PGLYRP3: variants seen among roughly 807,000 people sequenced by gnomAD.
The protein encoded by PGLYRP3 is peptidoglycan recognition protein 3, also known as peptidoglycan recognition protein I alpha.
A neutral mutation model predicts 36.0 loss-of-function variants in PGLYRP3; 39 were observed. The observed-to-expected ratio is 1.08, with a 90% confidence interval of 0.84 to 1.41. The LOEUF (loss-of-function observed/expected upper bound fraction) is 1.41. PGLYRP3 is among the 40% of genes most tolerant of loss of function. The pLI is 0.00. For synonymous variants in PGLYRP3, 204 were observed against 172.8 expected, an observed-to-expected ratio of 1.18 and a Z score of -1.42; for missense variants, 407 against 427.9, an observed-to-expected ratio of 0.95 and a Z score of 0.43.
Position 153,299,404 on chromosome 1 carries a change from C to T in PGLYRP3, c.729-173G>A, listed in dbSNP as rs373300337. Among the ~76,000 whole-genome samples the T allele has an allele frequency of 2.2e-4, 34 of 152,134 alleles. 3 individuals carry two copies. The highest frequency in any genetic ancestry group is 1.7e-3 in the Admixed American group (26 of 15,284). On this transcript the variant is annotated intron_variant, in intron 6 of 7. Coordinates refer to ENST00000683862, the MANE Select transcript of PGLYRP3 (RefSeq NM_052891.3). Reference sequence around the variant, plus strand: ...GAAAACAAAACAAAACAAAAAAATACCACAGTCCACTTCAACCTGGCCTTT... The same window carrying T: ...GAAAACAAAACAAAACAAAAAAATATCACAGTCCACTTCAACCTGGCCTTT...
chr1:153,303,454 G>A (rs903268075), intron 5 of PGLYRP3, among the ~76,000 whole-genome samples: 10 of 152,108 alleles, frequency 6.6e-5, no homozygotes, highest in African/African-American at 1.4e-4. Flanking sequence ...CTTTTATGCC[G>A]TCTAACATCA....
chr1:153,301,276 G>A (rs77460259), intron 6 of PGLYRP3, among the ~76,000 whole-genome samples: 98 of 152,212 alleles, frequency 6.4e-4, no homozygotes, highest in African/African-American at 2.0e-3. Context: ...GATATATCTC[G>A]TCTAGCACCA....
chr1:153,299,662 C>T (rs941776195), intron 6 of PGLYRP3, among the ~76,000 whole-genome samples: 2 of 152,204 alleles, frequency 1.3e-5, no homozygotes, highest in African/African-American at 4.8e-5. Flanking sequence ...TGGTGCTCCT[C>T]CGCACTCTAG....
At chr1:153,299,001 G>A in intron 7 of PGLYRP3, 112 bp downstream of exon 7, 1 of 824,342 alleles carries the variant, frequency 1.2e-6, no homozygotes, top group Non-Finnish European at 2.1e-6. Context: ...AAGCTAAAAT[G>A]TTCCATTCAC....
At chr1:153,302,301 A>G (rs111658704) in intron 6 of PGLYRP3, 108 bp downstream of exon 6, 2 of 1,263,442 alleles carry the variant, frequency 1.6e-6, no homozygotes, top group African/African-American at 3.0e-5. Flanking sequence ...CCTTATGGAA[A>G]CCACCCAGCC....
At chr1:153,298,773 G>A (rs1346215903) in intron 7 of PGLYRP3, among the ~76,000 whole-genome samples, 1 of 152,188 alleles carries the variant, frequency 6.6e-6, no homozygotes, top group East Asian at 1.9e-4. Context: ...AGGCAGTGGT[G>A]CTCCCCAAAT....
At chr1:153,305,850 C>G (rs1326759251) in intron 3 of PGLYRP3, among the ~76,000 whole-genome samples, 1 of 152,226 alleles carries the variant, frequency 6.6e-6, no homozygotes, top group Non-Finnish European at 1.5e-5. Context: ...GCTGCCAGTA[C>G]TTTCACAGGT....
At chr1:153,302,695 G>A (rs1347495979) in intron 5 of PGLYRP3, 88 bp from the exon 6 acceptor site, 1 of 1,304,700 alleles carries the variant, frequency 7.7e-7, no homozygotes, top group East Asian at 2.3e-5. Context: ...TTATTCCTCA[G>A]CCTCTCCCAG....
intron 4 of PGLYRP3, 72 bp from the exon 5 acceptor site, chr1:153,304,081 G>T: frequency 1.4e-6 from 2 of 1,431,250 alleles, no homozygotes; most frequent in Non-Finnish European, 9.6e-7. Flanking sequence ...CTGCAGAAAG[G>T]ATGATATGAC....
rs1428793969 is a variant in PGLYRP3, at chr1:153,310,651, T to C, written c.15A>G (p.Pro5=). Residue 5 remains proline, a synonymous_variant, in exon 2 of 8, where the codon CCA becomes CCG. Coordinates refer to ENST00000683862, the MANE Select transcript of PGLYRP3 (RefSeq NM_052891.3). ...CCAGAATGAAGAAGGCAAGAAGCCA[T>C]GGCAGCGTCCCCATGTGGTCCCAGG... is the stretch of plus-strand genomic sequence containing the variant. MGTL[P]WLLAFFILGL... is the part of the protein sequence containing the mutation. The C allele has an allele frequency of 1.2e-6, 2 of 1,614,128 alleles. No homozygotes were observed. Among genetic ancestry groups the C allele is most frequent in the Non-Finnish European group, 1.7e-6 (2 of 1,179,972 alleles).
chr1:153,297,551 G>GAAGGAAGGA lies in PGLYRP3; in HGVS notation c.*404_*405insTCCTTCCTT, dbSNP rs1659463234. On this transcript the variant is annotated 3_prime_UTR_variant, in exon 8 of 8. Transcript: ENST00000683862. The stretch of plus-strand genomic sequence containing the variant: ...GGAAGGAAGGAAGGAAGGAAGGAAG[G>GAAGGAAGGA]AAAGAAAGAAAAAGAAAGAAAGAAA... 1.4e-5 allele frequency among the ~76,000 whole-genome samples: 1 copy of GAAGGAAGGA among 72,614 alleles called. No homozygotes were observed. Among genetic ancestry groups the GAAGGAAGGA allele is most frequent in the African/African-American group, 5.4e-5 (1 of 18,662 alleles). 47.6% of individuals were successfully genotyped at this position (72,614 alleles called of 152,430 possible). A position where few individuals can be genotyped will look rare whatever the true frequency, so the allele number is the denominator to read the frequency against.
In PGLYRP3 at chr1:153,299,214, T is replaced by A. The variant is rs768738802; in HGVS notation, c.746A>T (p.Asp249Val). Residue 249 changes from aspartate to valine, a missense_variant, in exon 7 of 8, where the codon GAT becomes GTT. By Grantham distance (152) the Asp-to-Val change is radical (BLOSUM62 -3). Transcript: ENST00000683862. ...DIGYHFLVGQ[D>V]GGVYEGVGWH... is the part of the protein sequence containing the mutation. ...TCCAACCCCTTCATACACGCCACCATCCTGGCCCACCAGGAAGCTTAGGTC... is the reference window on the plus strand; with the variant it reads ...TCCAACCCCTTCATACACGCCACCAACCTGGCCCACCAGGAAGCTTAGGTC... The A allele has an allele frequency of 3.7e-6, 6 of 1,613,854 alleles. No homozygotes were observed. Among genetic ancestry groups the A allele is most frequent in the Admixed American group, 1.7e-5 (1 of 60,010 alleles).
At chr1:153,298,742 C>T (rs1030738110) in intron 7 of PGLYRP3, among the ~76,000 whole-genome samples, 1 of 152,158 alleles carries the variant, frequency 6.6e-6, no homozygotes, top group Non-Finnish European at 1.5e-5. Flanking sequence ...ACCACTGGGC[C>T]GCCCACTGGT....
intron 2 of PGLYRP3, among the ~76,000 whole-genome samples, chr1:153,307,827 C>G (rs3006447): frequency 6.6e-6 from 1 of 151,850 alleles, no homozygotes; most frequent in South Asian, 2.1e-4. Context: ...CACTCCCTAG[C>G]GGCAGGGCTG....
At chr1:153,307,388 T>C (rs527880565) in intron 2 of PGLYRP3, 121 bp from the exon 3 acceptor site, 238 of 929,558 alleles carry the variant, frequency 2.6e-4, no homozygotes, top group Non-Finnish European at 3.4e-4. Context: ...GGAGACACCC[T>C]GGGGGAGCCC....
Position 153,302,443 on chromosome 1 carries a change from T to C in PGLYRP3, c.694A>G (p.Met232Val), listed in dbSNP as rs151287023. 3.8e-5 allele frequency: 61 copies of C among 1,614,056 alleles called. No individual in the cohort carries two copies. The highest frequency in any genetic ancestry group is 4.2e-5 in the Non-Finnish European group (49 of 1,180,042). ...ATGTCACAAAAGTTCCGTGTGTCCA[T>C]GTGAAAGGACTGTATGTTTCGGACG... is the stretch of plus-strand genomic sequence containing the variant. ...TVVRNIQSFH[M>V]DTRNFCDIGY... The change falls in exon 6 of 8, where the codon ATG becomes GTG. Residue 232 changes from methionine to valine, a missense_variant. Transcript: ENST00000683862.
rs994367395 is a variant in PGLYRP3, at chr1:153,298,066, A to T, written c.916T>A (p.Tyr306Asn). The stretch of plus-strand genomic sequence containing the variant: ...ATCAGCAGGTAGTTTGGAGTCAGGT[A>T]CCCCTCAACCACGGCACACTGGATC... ...DLIQCAVVEG[Y>N]LTPNYLLMGH... Residue 306 changes from tyrosine to asparagine, a missense_variant, in exon 8 of 8, where the codon TAC (tyrosine) becomes AAC (asparagine). Physicochemically the swap from Tyr to Asn is moderately radical, Grantham distance 143. Coordinates refer to ENST00000683862, the MANE Select transcript of PGLYRP3 (RefSeq NM_052891.3). 6 of 1,613,732 alleles carry T rather than the reference A, an allele frequency of 3.7e-6. No homozygotes were observed. In the African/African-American group the frequency reaches 8.0e-5, roughly 22 times the overall value.
chr1:153,298,515 C>T (rs186174433), intron 7 of PGLYRP3, among the ~76,000 whole-genome samples: 9 of 152,074 alleles, frequency 5.9e-5, no homozygotes, highest in African/African-American at 1.9e-4. Flanking sequence ...ATTAGCCGGG[C>T]GCCTGTAGTC....
intron 6 of PGLYRP3, among the ~76,000 whole-genome samples, chr1:153,300,744 A>G (rs572089970): frequency 3.4e-4 from 52 of 151,104 alleles, no homozygotes; most frequent in South Asian, 3.2e-3. Context: ...ATAAGTTCCA[A>G]TGTTCTCCAG....
Sources: gnomAD v4.1 joint callset for allele counts (sites outside exome capture counted in the v4.1 genomes callset) on GRCh38, gnomAD v4.1.1 for gene constraint, MANE v1.5 for transcripts, NCBI Gene and HGNC (gene_info 2026-07-23, HGNC 2026-07-21) for gene names.